Variants in CTNNA2 observed in about 807,000 individuals in gnomAD.
CTNNA2 encodes catenin alpha-2.
Under a neutral mutation model 101.0 loss-of-function variants are expected in CTNNA2, and 42 were observed. That is an observed-to-expected ratio of 0.42 (90% CI 0.32 to 0.54). The LOEUF (loss-of-function observed/expected upper bound fraction) is 0.54. CTNNA2 is among the 20% of genes least tolerant of loss of function. CTNNA2 has a pLI of 0.14. For synonymous variants in CTNNA2, 450 were observed against 456.4 expected, an observed-to-expected ratio of 0.99 and a Z score of 0.18; for missense variants, 871 against 1,223.1, an observed-to-expected ratio of 0.71 and a Z score of 4.29.
chr2:80,557,144 A>T (rs1281476658), intron 12 of CTNNA2, among the ~76,000 whole-genome samples: 1 of 152,202 alleles, frequency 6.6e-6, no homozygotes, highest in Non-Finnish European at 1.5e-5. Flanking sequence ...TAAAGAGCAC[A>T]TCTAGAGACT....
Position 80,586,595 on chromosome 2 carries a change from A to G in CTNNA2, c.2008-2709A>G, listed in dbSNP as rs140934039. 1.4e-3 allele frequency: 213 copies of G among 152,328 alleles called. 3 individuals are homozygous for G. Among genetic ancestry groups the G allele is most frequent in the African/African-American group, 4.8e-3 (201 of 41,580 alleles). The allele number at this position is 152,328 out of a possible 1,614,324, so 9.4% of individuals were successfully genotyped here. On this transcript the variant is annotated intron_variant, in intron 14 of 18. Coordinates refer to ENST00000402739, the MANE Select transcript of CTNNA2 (RefSeq NM_001282597.3). ...TTTCTGTAAATCAAACATATCTCAA[A>G]TATAGTGGAATAGCTGTCTTGCTAT... is the stretch of plus-strand genomic sequence containing the variant.
intron 4 of CTNNA2, among the ~76,000 whole-genome samples, chr2:79,454,054 A>G (rs1227079439): frequency 6.6e-6 from 1 of 152,136 alleles, no homozygotes; most frequent in East Asian, 1.9e-4. Flanking sequence ...TCAAGTTACT[A>G]GAAATAGGAT....
In CTNNA2 at chr2:79,838,258, C is replaced by A. The variant is rs183298689; in HGVS notation, c.299-19755C>A. 1.4e-4 allele frequency among the ~76,000 whole-genome samples: 22 copies of A among 152,080 alleles called. No individual in the cohort carries two copies. The East Asian group carries it at 3.9e-3, about 27-fold the overall frequency. On this transcript the variant is annotated intron_variant, in intron 3 of 18. Coordinates refer to ENST00000402739, the MANE Select transcript of CTNNA2 (RefSeq NM_001282597.3). ...ATTTAAAGTGTATTATTTGGAATAA[C>A]TAGAATTGTATAGGCTAGCTTTCTA...
chr2:79,257,398 G>A lies in CTNNA2; in HGVS notation c.-405-55311G>A, dbSNP rs559433958. On this transcript the variant is annotated intron_variant, in intron 2 of 21. Transcript: ENST00000466387. ...GTTGGTTTAGTTGGAGAAAGCAGGG[G>A]ACACACAAATAATACTTTAATAGAA... Among the ~76,000 whole-genome samples the A allele has an allele frequency of 3.0e-4, 45 of 151,948 alleles. 1 individual carries two copies. In the South Asian group the frequency reaches 5.8e-3, roughly 20 times the overall value.
chr2:80,620,891 A>G (rs963210107), intron 18 of CTNNA2, among the ~76,000 whole-genome samples: 2 of 151,956 alleles, frequency 1.3e-5, no homozygotes, highest in Non-Finnish European at 2.9e-5. Context: ...CGCTTGTGCA[A>G]ATTCAGAGAG....
At chr2:80,034,944 T>G (rs1412968744) in intron 7 of CTNNA2, among the ~76,000 whole-genome samples, 2 of 152,218 alleles carry the variant, frequency 1.3e-5, no homozygotes, top group African/African-American at 2.4e-5. Context: ...TCCTTGGAAC[T>G]TATCCTTCAT....
intron 4 of CTNNA2, among the ~76,000 whole-genome samples, chr2:79,450,867 A>G (rs911287333): frequency 6.6e-6 from 1 of 152,158 alleles, no homozygotes; most frequent in Non-Finnish European, 1.5e-5. Flanking sequence ...TTATCCATGT[A>G]TTCCAGTTCA....
intron 1 of CTNNA2, among the ~76,000 whole-genome samples, chr2:79,526,617 C>G (rs1013344530): frequency 2.0e-5 from 3 of 151,998 alleles, no homozygotes; most frequent in Admixed American, 6.6e-5. Context: ...GTATTGACAT[C>G]AGCATAGGCA....
intron 15 of CTNNA2, among the ~76,000 whole-genome samples, chr2:80,593,677 A>T (rs1013945830): frequency 3.3e-5 from 5 of 152,142 alleles, no homozygotes. Context: ...TTCCATTTCT[A>T]TGAATTTGAC....
intron 2 of CTNNA2, among the ~76,000 whole-genome samples, chr2:79,231,950 C>A (rs755898951): frequency 6.6e-6 from 1 of 151,880 alleles, no homozygotes; most frequent in African/African-American, 2.4e-5. Flanking sequence ...GTTCCAGGAG[C>A]CTTTGGGTGG....
chr2:79,547,201 A>C (rs767874842), intron 1 of CTNNA2: 25 of 152,172 alleles, frequency 1.6e-4, no homozygotes, highest in Non-Finnish European at 7.4e-5. Context: ...ACTCTTTGTG[A>C]CTAATTTTCC....
chr2:79,811,196 C>T (rs939939356), intron 3 of CTNNA2, among the ~76,000 whole-genome samples: 6 of 151,974 alleles, frequency 3.9e-5, no homozygotes, highest in African/African-American at 1.5e-4. Context: ...CCTGTTGTTT[C>T]CTGACTTTTT....
intron 7 of CTNNA2, among the ~76,000 whole-genome samples, chr2:80,294,125 A>C (rs1675512852): frequency 6.6e-6 from 1 of 152,182 alleles, no homozygotes; most frequent in African/African-American, 2.4e-5. Flanking sequence ...AGAAGGACTC[A>C]GAATTTAGAA....
chr2:79,903,059 C>G (rs372117676), intron 6 of CTNNA2, among the ~76,000 whole-genome samples: 6 of 152,146 alleles, frequency 3.9e-5, no homozygotes, highest in Admixed American at 3.9e-4. Flanking sequence ...ATGAGCCTGA[C>G]TGTGTTCTAA....
At chr2:79,894,023 CTT>C in intron 6 of CTNNA2, among the ~76,000 whole-genome samples, 1 of 142,658 alleles carries the variant, frequency 7.0e-6, no homozygotes, top group African/African-American at 2.6e-5. Flanking sequence ...TCTTCTTCTT[CTT>C]CTTCTTCTTC....
chr2:79,825,536 A>G (rs1678369886), intron 3 of CTNNA2, among the ~76,000 whole-genome samples: 1 of 152,130 alleles, frequency 6.6e-6, no homozygotes, highest in Non-Finnish European at 1.5e-5. Context: ...TGCCATTACT[A>G]AAAGGGGGAA....
At chr2:80,385,026 G>A (rs1676869063) in intron 7 of CTNNA2, among the ~76,000 whole-genome samples, 1 of 152,096 alleles carries the variant, frequency 6.6e-6, no homozygotes, top group South Asian at 2.1e-4. Context: ...AGGAGGCCAA[G>A]TGTGTCATTC....
intron 2 of CTNNA2, among the ~76,000 whole-genome samples, chr2:79,264,661 T>C (rs1331356288): frequency 6.6e-6 from 1 of 152,062 alleles, no homozygotes; most frequent in African/African-American, 2.4e-5. Flanking sequence ...GGAGTCAGGA[T>C]GGTGACTTTT....
intron 7 of CTNNA2, among the ~76,000 whole-genome samples, chr2:79,983,534 T>A (rs959562992): frequency 6.6e-6 from 1 of 152,154 alleles, no homozygotes; most frequent in African/African-American, 2.4e-5. Flanking sequence ...AAAACTCACT[T>A]GGAAATGTGT....
Sources: gnomAD v4.1 joint callset for allele counts (sites outside exome capture counted in the v4.1 genomes callset) on GRCh38, gnomAD v4.1.1 for gene constraint, MANE v1.5 for transcripts, NCBI Gene and HGNC (gene_info 2026-07-23, HGNC 2026-07-21) for gene names.